The following CCDC186 variants were observed in gnomAD, a reference collection of about 807,000 sequenced individuals.
CCDC186 encodes the protein coiled-coil domain-containing protein 186.
CCDC186 carries 49 observed loss-of-function variants against 113.7 expected under a neutral mutation model. The observed-to-expected ratio is 0.43, with a 90% CI of 0.34 to 0.55. The LOEUF (loss-of-function observed/expected upper bound fraction) is 0.55. Among genes scored for constraint, CCDC186 ranks in the 20% least tolerant of loss-of-function variants. The pLI is 0.02. For synonymous variants in CCDC186, 355 were observed against 345.8 expected (o/e 1.03, Z -0.30); for missense variants, 890 against 1,011.1 (o/e 0.88, Z 1.62).
rs1005735947 is a variant in CCDC186, at chr10:114,145,677, G to A, written c.973C>T (p.Leu325Phe). The stretch of plus-strand genomic sequence containing the variant: ...TCAAGTGTCTCTTTTTCCTTTCGAA[G>A]ATCTAAAGATTCCTTCTCACCTCTT... ...YVRGEKESLD[L>F]RKEKETLEKK... Residue 325 changes from leucine to phenylalanine, a missense_variant, in exon 5 of 16, where the codon CTT (leucine) becomes TTT (phenylalanine). By Grantham distance (22) the Leu-to-Phe change is conservative. Transcript: ENST00000369287. The A allele has an allele frequency of 6.2e-7, 1 of 1,612,672 alleles. No homozygotes were observed. The highest frequency in any genetic ancestry group is 1.3e-5 in the African/African-American group (1 of 74,780).
intron 13 of CCDC186, among the ~76,000 whole-genome samples, chr10:114,129,001 G>A (rs144538514): frequency 1.2e-3 from 180 of 152,204 alleles, no homozygotes; most frequent in African/African-American, 4.3e-3. Context: ...TAAAGCAGCA[G>A]CAGGCTAGAA....
intron 2 of CCDC186, 106 bp downstream of exon 2, chr10:114,162,531 T>C (rs139606356): frequency 1.7e-5 from 14 of 802,738 alleles, no homozygotes; most frequent in African/African-American, 1.4e-4. Context: ...ATGATTCTAA[T>C]GTGCAAGTAA....
In CCDC186 at chr10:114,162,699, T is replaced by C; in HGVS notation, c.570A>G (p.Ala190=). The change falls in exon 2 of 16, where the codon GCA becomes GCG. Residue 190 remains alanine (A), a synonymous_variant. Transcript: ENST00000369287. ...VPNGMNKGEH[A]LVLFEKCVQD... is the part of the protein sequence containing the mutation. The stretch of plus-strand genomic sequence containing the variant: ...GCACACACTTTTCAAACAGAACTAA[T>C]GCATGTTCTCCCTTATTCATTCCAT... 3.1e-6 allele frequency: 5 copies of C among 1,612,006 alleles called. No individual in the cohort carries two copies. The highest frequency in any genetic ancestry group is 4.2e-6 in the Non-Finnish European group (5 of 1,179,418).
intron 10 of CCDC186, 99 bp downstream of exon 10, chr10:114,134,814 T>TA: frequency 7.3e-7 from 1 of 1,360,872 alleles, no homozygotes; most frequent in African/African-American, 1.5e-5. Flanking sequence ...AGTAAAATTG[T>TA]AAAATTTTTT....
At chr10:114,170,863 C>G (rs986897683) in intron 1 of CCDC186, among the ~76,000 whole-genome samples, 1 of 151,880 alleles carries the variant, frequency 6.6e-6, no homozygotes, top group Non-Finnish European at 1.5e-5. Flanking sequence ...CGGCAAGACC[C>G]CCCCACCCTC....
rs2031070229 is a variant in CCDC186, at chr10:114,131,062, A to G, written c.2101+85T>C. The G allele has an allele frequency of 9.6e-6, 11 of 1,141,846 alleles. No homozygotes were observed. The East Asian group carries it at 2.8e-4, about 29-fold the overall frequency. The allele number at this position is 1,141,846 out of a possible 1,614,324, so 70.7% of individuals were successfully genotyped here. A position where few individuals can be genotyped will look rare whatever the true frequency, so the allele number is the denominator to read the frequency against. ...ACAAAGAAAACATACAGCTTCAATC[A>G]ATGTGGCAGAATCACAAAAAATAAA... On this transcript the variant is annotated intron_variant, in intron 12 of 15. Transcript: ENST00000369287.
chr10:114,138,458 T>C (rs906167937), intron 6 of CCDC186, among the ~76,000 whole-genome samples: 3 of 151,746 alleles, frequency 2.0e-5, no homozygotes, highest in African/African-American at 7.2e-5. Context: ...CACATTCAGC[T>C]AATTTTTGTA....
At chr10:114,149,870 C>A (rs141010799) in intron 4 of CCDC186, among the ~76,000 whole-genome samples, 2,823 of 150,454 alleles carry the variant, frequency 0.019, 57 homozygotes, top group Non-Finnish European at 0.029. Context: ...GGCAGGCAGG[C>A]AGGCAGGTTG....
At chr10:114,167,174 C>T (rs1312484815) in intron 1 of CCDC186, among the ~76,000 whole-genome samples, 4 of 152,044 alleles carry the variant, frequency 2.6e-5, no homozygotes, top group African/African-American at 7.2e-5. Context: ...GCACGAGCCA[C>T]CATGCCCAGC....
chr10:114,143,435 C>A, intron 6 of CCDC186, among the ~76,000 whole-genome samples: 1 of 152,160 alleles, frequency 6.6e-6, no homozygotes, highest in Non-Finnish European at 1.5e-5. Flanking sequence ...AATTTCAATT[C>A]CTCATTCTGT....
intron 9 of CCDC186, among the ~76,000 whole-genome samples, chr10:114,135,463 TAA>T (rs1237104858): frequency 1.3e-5 from 2 of 152,182 alleles, no homozygotes; most frequent in Non-Finnish European, 2.9e-5. Context: ...AATCTTACAA[TAA>T]AGACTATAAA....
chr10:114,146,404 T>C (rs1411626403), intron 4 of CCDC186, among the ~76,000 whole-genome samples: 1 of 152,234 alleles, frequency 6.6e-6, no homozygotes. Flanking sequence ...TGCCATCTGT[T>C]TTCTGCCAGG....
chr10:114,154,926 C>T (rs1234903361), intron 3 of CCDC186, among the ~76,000 whole-genome samples: 2 of 152,070 alleles, frequency 1.3e-5, no homozygotes, highest in East Asian at 1.9e-4. Flanking sequence ...CTGATACATG[C>T]TACAACTTGA....
chr10:114,150,662 T>G (rs1429574784), intron 4 of CCDC186, among the ~76,000 whole-genome samples: 1 of 152,234 alleles, frequency 6.6e-6, no homozygotes, highest in Non-Finnish European at 1.5e-5. Flanking sequence ...CTTACTATTT[T>G]TTTTTAGACA....
chr10:114,167,091 G>A (rs1349626535), intron 1 of CCDC186, among the ~76,000 whole-genome samples: 1 of 150,054 alleles, frequency 6.7e-6, no homozygotes, highest in Non-Finnish European at 1.5e-5. Context: ...CGCGATCTCG[G>A]CTCACTGCAA....
intron 15 of CCDC186, 38 bp from the exon 16 acceptor site, chr10:114,125,264 A>G: frequency 7.0e-7 from 1 of 1,419,868 alleles, no homozygotes; most frequent in Non-Finnish European, 9.8e-7. Flanking sequence ...GAAGAGAAAA[A>G]CAAAAGTATA....
chr10:114,161,627 A>G (rs1032000689), intron 2 of CCDC186: 5 of 152,154 alleles, frequency 3.3e-5, no homozygotes, highest in African/African-American at 1.2e-4. Context: ...AAAAGCATAC[A>G]GTTTATTCAC....
intron 1 of CCDC186, among the ~76,000 whole-genome samples, chr10:114,164,063 A>AGTGT (rs1491318505): frequency 2.1e-5 from 2 of 93,486 alleles, no homozygotes; most frequent in African/African-American, 9.7e-5. Context: ...TGACCAAGTT[A>AGTGT]GAGTGTGTGT....
Position 114,171,780 on chromosome 10 carries a change from TA to T in CCDC186, c.-62+2234del, listed in dbSNP as rs1437599502. ...TACATAGTCTACATAATCCCACAATTATCAGTTCAAGTGTCTTAATGATAGA... is the reference window on the plus strand; with the variant it reads ...TACATAGTCTACATAATCCCACAATTTCAGTTCAAGTGTCTTAATGATAGA... On this transcript the variant is annotated intron_variant, in intron 1 of 15. Coordinates refer to ENST00000369287, the MANE Select transcript of CCDC186 (RefSeq NM_018017.4). Among the ~76,000 whole-genome samples the T allele has an allele frequency of 3.3e-5, 5 of 152,304 alleles. No homozygotes were observed. In the East Asian group the frequency reaches 9.6e-4, roughly 29 times the overall value.
Sources: gnomAD v4.1 joint callset for allele counts (sites outside exome capture counted in the v4.1 genomes callset) on GRCh38, gnomAD v4.1.1 for gene constraint, MANE v1.5 for transcripts, NCBI Gene and HGNC (gene_info 2026-07-23, HGNC 2026-07-21) for gene names.